The following FOXN3 variants were observed in gnomAD, a reference collection of about 807,000 sequenced individuals.
FOXN3 encodes forkhead box protein N3.
In FOXN3, 7 loss-of-function variants were observed where a neutral mutation model predicts 38.4. The observed-to-expected ratio is 0.18, with a 90% CI of 0.10 to 0.34. The LOEUF (loss-of-function observed/expected upper bound fraction) is 0.34. FOXN3 is among the 10% of genes least tolerant of loss of function. FOXN3 has a pLI of 1.00. For synonymous variants in FOXN3, 230 were observed against 242.2 expected (o/e 0.95, Z 0.47); for missense variants, 456 against 613.4 (o/e 0.74, Z 2.71).
chr14:89,360,104 G>C (rs995914843), intron 2 of FOXN3, among the ~76,000 whole-genome samples: 1 of 152,172 alleles, frequency 6.6e-6, no homozygotes, highest in African/African-American at 2.4e-5. Context: ...TTCACTATGA[G>C]TGCCCAGTTA....
At chr14:89,187,342 T>A (rs1048036849) in intron 4 of FOXN3, among the ~76,000 whole-genome samples, 3 of 152,230 alleles carry the variant, frequency 2.0e-5, no homozygotes, top group Non-Finnish European at 4.4e-5. Context: ...AGACAGGAAA[T>A]GTGTTGCTCT....
At chr14:89,402,646 A>C (rs1891280984) in intron 2 of FOXN3, among the ~76,000 whole-genome samples, 1 of 151,784 alleles carries the variant, frequency 6.6e-6, no homozygotes, top group Non-Finnish European at 1.5e-5. Context: ...AGTCAGCAAG[A>C]CTCCCTCCTG....
chr14:89,160,961 G>GA lies in FOXN3; in HGVS notation c.*1452dup, dbSNP rs1331456257. The GA allele has an allele frequency of 2.6e-5, 4 of 151,748 alleles. No homozygotes were observed. In the East Asian group the frequency reaches 5.8e-4, roughly 22 times the overall value. 9.4% of individuals were successfully genotyped at this position (151,748 alleles called of 1,614,324 possible). ...GCAAAGAAAAGGAAAGAAAAAAGAA[G>GA]AAAACCAAAAGAAACTCTAAGCCTA... On this transcript the variant is annotated 3_prime_UTR_variant, in exon 6 of 6. Coordinates refer to ENST00000557258, the MANE Select transcript of FOXN3 (RefSeq NM_005197.4).
intron 3 of FOXN3, among the ~76,000 whole-genome samples, chr14:89,305,970 T>C (rs1177049433): frequency 6.6e-6 from 1 of 152,244 alleles, no homozygotes; most frequent in African/African-American, 2.4e-5. Context: ...AAGAAGCAGC[T>C]GAGAGACCTA....
In FOXN3 at chr14:89,479,431, C is replaced by T. The variant is rs1893278564; in HGVS notation, c.-14-66941G>A. 2.0e-5 allele frequency among the ~76,000 whole-genome samples: 3 copies of T among 152,140 alleles called. No homozygotes were observed. The South Asian group carries it at 6.2e-4, about 32-fold the overall frequency. Reference sequence around the variant, plus strand: ...TCTCTCAGGATAGTTAGTGCAATTCCAAAATGGCTTATGATGAGCCAAAAC... The same window carrying T: ...TCTCTCAGGATAGTTAGTGCAATTCTAAAATGGCTTATGATGAGCCAAAAC... On this transcript the variant is annotated intron_variant, in intron 1 of 6. Coordinates refer to the FOXN3 transcript ENST00000345097.
chr14:89,453,245 A>G (rs1008223483), intron 1 of FOXN3, among the ~76,000 whole-genome samples: 1 of 151,344 alleles, frequency 6.6e-6, no homozygotes, highest in Non-Finnish European at 1.5e-5. Context: ...CCCAATGATA[A>G]TGCTGTCTCT....
At chr14:89,259,317 G>A (rs1885724611) in intron 4 of FOXN3, among the ~76,000 whole-genome samples, 2 of 152,146 alleles carry the variant, frequency 1.3e-5, no homozygotes, top group South Asian at 4.1e-4. Flanking sequence ...ACGGACCTCT[G>A]TGTTTCTCTT....
intron 3 of FOXN3, among the ~76,000 whole-genome samples, chr14:89,308,406 C>T (rs532703784): frequency 6.6e-6 from 1 of 152,280 alleles, no homozygotes; most frequent in African/African-American, 2.4e-5. Context: ...CCGCACCGTT[C>T]TGTGCAGATG....
intron 1 of FOXN3, among the ~76,000 whole-genome samples, chr14:89,547,517 C>T (rs907619884): frequency 2.0e-5 from 3 of 152,018 alleles, no homozygotes; most frequent in Non-Finnish European, 4.4e-5. Flanking sequence ...AGGCTCGTCT[C>T]GAACTCCTGA....
intron 1 of FOXN3, among the ~76,000 whole-genome samples, chr14:89,507,070 T>C (rs1893956105): frequency 1.4e-5 from 2 of 147,200 alleles, no homozygotes; most frequent in Middle Eastern, 3.6e-3. Flanking sequence ...TCCACTATTG[T>C]CCTATGACCC....
intron 4 of FOXN3, among the ~76,000 whole-genome samples, chr14:89,238,854 T>C (rs912033530): frequency 9.2e-5 from 14 of 151,678 alleles, no homozygotes; most frequent in Non-Finnish European, 1.8e-4. Context: ...CTAAATGGTT[T>C]TGGGGTAGAT....
At chr14:89,375,648 G>T (rs1436926116) in intron 2 of FOXN3, among the ~76,000 whole-genome samples, 1 of 152,072 alleles carries the variant, frequency 6.6e-6, no homozygotes, top group Non-Finnish European at 1.5e-5. Flanking sequence ...CAAAATCAAA[G>T]ATTGCTAAGA....
chr14:89,573,104 T>C (rs1159330695), intron 1 of FOXN3, among the ~76,000 whole-genome samples: 1 of 152,178 alleles, frequency 6.6e-6, no homozygotes, highest in African/African-American at 2.4e-5. Flanking sequence ...CACCTAGTGC[T>C]TCTGAGTGTC....
At chr14:89,474,322 G>C (rs745567443) in intron 1 of FOXN3, among the ~76,000 whole-genome samples, 3 of 152,102 alleles carry the variant, frequency 2.0e-5, no homozygotes, top group Non-Finnish European at 4.4e-5. Flanking sequence ...CAACCAATTG[G>C]CTATCAAAGC....
chr14:89,491,696 G>T (rs76267172), intron 1 of FOXN3, among the ~76,000 whole-genome samples: 1 of 152,104 alleles, frequency 6.6e-6, no homozygotes, highest in South Asian at 2.1e-4. Context: ...AGGTTTATTC[G>T]GACCATTTTA....
intron 1 of FOXN3, among the ~76,000 whole-genome samples, chr14:89,530,517 T>C (rs961758226): frequency 1.3e-5 from 2 of 152,148 alleles, no homozygotes; most frequent in Non-Finnish European, 2.9e-5. Flanking sequence ...TTATGGGAAA[T>C]ACAATTCAAG....
intron 3 of FOXN3, among the ~76,000 whole-genome samples, chr14:89,296,610 A>G (rs1158489917): frequency 6.6e-6 from 1 of 152,158 alleles, no homozygotes; most frequent in African/African-American, 2.4e-5. Context: ...GGACTTCCCC[A>G]GAGGACATCT....
At chr14:89,380,461 C>T (rs750973699) in intron 2 of FOXN3, among the ~76,000 whole-genome samples, 4 of 152,236 alleles carry the variant, frequency 2.6e-5, no homozygotes, top group Non-Finnish European at 4.4e-5. Context: ...CTAAACTCCT[C>T]AATCATGTTA....
At chr14:89,209,536 G>A (rs896589193) in intron 4 of FOXN3, among the ~76,000 whole-genome samples, 1 of 152,204 alleles carries the variant, frequency 6.6e-6, no homozygotes, top group African/African-American at 2.4e-5. Context: ...ATTCCTGCTT[G>A]AAGGCATGGG....
Sources: gnomAD v4.1 joint callset for allele counts (sites outside exome capture counted in the v4.1 genomes callset) on GRCh38, gnomAD v4.1.1 for gene constraint, MANE v1.5 for transcripts, NCBI Gene and HGNC (gene_info 2026-07-23, HGNC 2026-07-21) for gene names.